PTPRD: variants seen among roughly 807,000 people sequenced by gnomAD.
The protein encoded by PTPRD is receptor-type tyrosine-protein phosphatase delta.
In PTPRD, 34 loss-of-function variants were observed where a neutral mutation model predicts 214.5. The ratio of observed to expected loss-of-function variants is 0.16; its 90% CI spans 0.12 to 0.21. The LOEUF (loss-of-function observed/expected upper bound fraction) is 0.21, where lower values mean the gene tolerates loss of function less well. Ranked by LOEUF, PTPRD falls within the 10% of genes least tolerant of loss-of-function variation. The probability of loss-of-function intolerance (pLI) is 1.00; values close to 1 mark genes in which losing one functional copy is unlikely to be tolerated. For missense variants in PTPRD, 2,545 were observed against 2,398.7 expected, an observed-to-expected ratio of 1.06 and a Z score of -1.27; for synonymous variants, 1,128 against 845.7, an observed-to-expected ratio of 1.33 and a Z score of -5.79.
At chr9:10,055,731 T>C (rs1451901179) in intron 3 of PTPRD, among the ~76,000 whole-genome samples, 4 of 151,950 alleles carry the variant, frequency 2.6e-5, no homozygotes, top group African/African-American at 7.2e-5. Flanking sequence ...CAAAGAGGGC[T>C]GCACCCAGAA....
At chr9:9,149,244 G>A (rs538956005) in intron 10 of PTPRD, among the ~76,000 whole-genome samples, 1 of 152,176 alleles carries the variant, frequency 6.6e-6, no homozygotes, top group Non-Finnish European at 1.5e-5. Context: ...GATGACATGA[G>A]ATAATCCACA....
intron 9 of PTPRD, among the ~76,000 whole-genome samples, chr9:9,341,821 T>A (rs1299942972): frequency 6.6e-6 from 1 of 152,072 alleles, no homozygotes; most frequent in Non-Finnish European, 1.5e-5. Flanking sequence ...TTATTTTTAT[T>A]TTCCAAGACA....
intron 2 of PTPRD, among the ~76,000 whole-genome samples, chr9:10,522,563 G>T (rs1482305769): frequency 6.6e-6 from 1 of 152,044 alleles, no homozygotes; most frequent in East Asian, 1.9e-4. Flanking sequence ...TAGCAATAAA[G>T]GTGAATCCAG....
chr9:9,036,538 TAA>T (rs2099622447), intron 10 of PTPRD, among the ~76,000 whole-genome samples: 1 of 152,142 alleles, frequency 6.6e-6, no homozygotes, highest in South Asian at 2.1e-4. Flanking sequence ...TAGTTAATCA[TAA>T]TGTGTCAATA....
At chr9:9,275,201 A>T (rs1320672194) in intron 9 of PTPRD, among the ~76,000 whole-genome samples, 2 of 61,460 alleles carry the variant, frequency 3.3e-5, no homozygotes, top group African/African-American at 6.2e-5. Flanking sequence ...TATATATATT[A>T]TATATATATA....
intron 11 of PTPRD, among the ~76,000 whole-genome samples, chr9:8,943,637 G>A (rs1367407537): frequency 6.7e-6 from 1 of 148,370 alleles, no homozygotes; most frequent in Non-Finnish European, 1.5e-5. Context: ...TTTATTCTGG[G>A]AAATAATAAA....
At chr9:9,074,580 G>T (rs1466367024) in intron 10 of PTPRD, among the ~76,000 whole-genome samples, 1 of 151,934 alleles carries the variant, frequency 6.6e-6, no homozygotes, top group Non-Finnish European at 1.5e-5. Context: ...TTTAAATCTG[G>T]CTCATATTTT....
rs1400794963 is a variant in PTPRD at position 9,648,639 on chromosome 9, C to G, written c.-286-73858G>C. ...CAAACAGTAAACATGAGAGACTACA[C>G]TAAGGAGTTGTAGCACAAAACCATA... On this transcript the variant is annotated intron_variant, in intron 7 of 45. Coordinates refer to ENST00000381196, the MANE Select transcript of PTPRD (RefSeq NM_002839.4). Among the ~76,000 whole-genome samples the G allele has an allele frequency of 4.6e-5, 7 of 152,124 alleles. 1 individual carries two copies. The highest frequency in any genetic ancestry group is 4.6e-4 in the Admixed American group (7 of 15,280).
intron 15 of PTPRD, chr9:8,528,221 A>G: frequency 2.4e-6 from 1 of 421,990 alleles, no homozygotes. Flanking sequence ...CAAGTTCTGA[A>G]TGAAGTCCAA....
At chr9:9,318,336 T>G (rs757514329) in intron 9 of PTPRD, among the ~76,000 whole-genome samples, 1 of 151,814 alleles carries the variant, frequency 6.6e-6, no homozygotes, top group Middle Eastern at 3.4e-3. Flanking sequence ...TAGTTAAGAG[T>G]CAGGAAAGTA....
At chr9:8,842,764 C>G (rs1252857136) in intron 11 of PTPRD, among the ~76,000 whole-genome samples, 1 of 152,168 alleles carries the variant, frequency 6.6e-6, no homozygotes, top group East Asian at 1.9e-4. Flanking sequence ...TTGGCCTGAT[C>G]TGTGACAAAA....
At chr9:8,915,752 T>C (rs1339863082) in intron 11 of PTPRD, among the ~76,000 whole-genome samples, 1 of 152,098 alleles carries the variant, frequency 6.6e-6, no homozygotes, top group Non-Finnish European at 1.5e-5. Context: ...TCCTCTTAGT[T>C]GAGAAAGGGT....
chr9:9,855,393 GCTCTCTCT>G (rs2153676986), intron 5 of PTPRD, among the ~76,000 whole-genome samples: 1 of 152,168 alleles, frequency 6.6e-6, no homozygotes, highest in South Asian at 2.1e-4. Flanking sequence ...AATAGCAGAG[GCTCTCTCT>G]ACTTTGCCAC....
chr9:9,231,116 T>G (rs1477675890), intron 9 of PTPRD, among the ~76,000 whole-genome samples: 1 of 152,148 alleles, frequency 6.6e-6, no homozygotes, highest in Non-Finnish European at 1.5e-5. Context: ...CCGATTTTCA[T>G]GTTGTTTTGG....
At chr9:8,972,868 A>G (rs1042783750) in intron 11 of PTPRD, among the ~76,000 whole-genome samples, 15 of 152,146 alleles carry the variant, frequency 9.9e-5, no homozygotes, top group African/African-American at 3.6e-4. Context: ...ACATTCAACT[A>G]GGAAACACAT....
intron 5 of PTPRD, among the ~76,000 whole-genome samples, chr9:9,840,761 C>CAAAAAAAAAAAAA (rs59780411): frequency 4.9e-5 from 3 of 61,622 alleles, no homozygotes; most frequent in African/African-American, 1.5e-4. Context: ...GACTCCGTTT[C>CAAAAAAAAAAAAA]AAAAAAAAAA....
chr9:9,597,847 A>C (rs993569494), intron 7 of PTPRD, among the ~76,000 whole-genome samples: 5 of 152,192 alleles, frequency 3.3e-5, no homozygotes, highest in South Asian at 2.1e-4. Flanking sequence ...ATAAGATGTT[A>C]AATAAAATGG....
At chr9:9,879,471 G>A (rs1016317498) in intron 5 of PTPRD, among the ~76,000 whole-genome samples, 8 of 152,272 alleles carry the variant, frequency 5.3e-5, no homozygotes, top group African/African-American at 1.9e-4. Context: ...GTATCATAGA[G>A]GAAGTGATTG....
chr9:10,288,389 C>T (rs2095428278), intron 3 of PTPRD, among the ~76,000 whole-genome samples: 1 of 151,996 alleles, frequency 6.6e-6, no homozygotes, highest in Admixed American at 6.6e-5. Context: ...TACCATTGCC[C>T]ATTCTCAAAT....
Sources: gnomAD v4.1 joint callset for allele counts (sites outside exome capture counted in the v4.1 genomes callset) on GRCh38, gnomAD v4.1.1 for gene constraint, MANE v1.5 for transcripts, NCBI Gene and HGNC (gene_info 2026-07-23, HGNC 2026-07-21) for gene names.